Variants in ANKS1B observed in about 807,000 individuals in gnomAD.
ANKS1B encodes ankyrin repeat and sterile alpha motif domain-containing protein 1B.
In ANKS1B, 36 loss-of-function variants were observed where a neutral mutation model predicts 148.3. The ratio of observed to expected loss-of-function variants is 0.24; its 90% CI spans 0.19 to 0.32. The LOEUF is 0.32. Among genes scored for constraint, ANKS1B ranks in the 10% least tolerant of loss-of-function variants. The pLI is 1.00. For missense variants in ANKS1B, 1,157 were observed against 1,542.6 expected, an observed-to-expected ratio of 0.75 and a Z score of 4.19; for synonymous variants, 542 against 560.8, an observed-to-expected ratio of 0.97 and a Z score of 0.47.
At chr12:99,714,893 C>G (rs1177859892) in intron 8 of ANKS1B, among the ~76,000 whole-genome samples, 1 of 151,030 alleles carries the variant, frequency 6.6e-6, no homozygotes, top group Non-Finnish European at 1.5e-5. Flanking sequence ...CCAAGGCAGA[C>G]AGATCACTTG....
intron 8 of ANKS1B, among the ~76,000 whole-genome samples, chr12:99,752,364 T>C (rs1247407072): frequency 2.0e-5 from 3 of 151,996 alleles, no homozygotes; most frequent in African/African-American, 7.2e-5. Flanking sequence ...TTTCAATTAT[T>C]TGGTAATATA....
chr12:99,425,287 T>C lies in ANKS1B; in HGVS notation c.1575+18386A>G, dbSNP rs1419573229. On this transcript the variant is annotated intron_variant, in intron 11 of 26. Transcript: ENST00000683438. ...TTACCATATAATTAAGTTATTCATATGATTAAATTAGCTTTCAAATAATTT... is the reference window on the plus strand; with the variant it reads ...TTACCATATAATTAAGTTATTCATACGATTAAATTAGCTTTCAAATAATTT... Among the ~76,000 whole-genome samples, 2 of 152,046 alleles carry C rather than the reference T, an allele frequency of 1.3e-5. 1 individual carries two copies. The highest frequency in any genetic ancestry group is 2.9e-5 in the Non-Finnish European group (2 of 67,940).
chr12:98,882,448 A>T (rs2152522599), intron 17 of ANKS1B, among the ~76,000 whole-genome samples: 1 of 152,334 alleles, frequency 6.6e-6, no homozygotes, highest in Admixed American at 6.5e-5. Flanking sequence ...ATGATCAGCC[A>T]GTTGCAAAGA....
In ANKS1B at chr12:99,058,502, A is replaced by G. The variant is rs574398373; in HGVS notation, c.2626-5193T>C. ...GAGCTCAAGCGATCTGCCTGCCTCA[A>G]CCTCCCAAAGTGTTGGGATTACAGG... On this transcript the variant is annotated intron_variant, in intron 16 of 26. Transcript: ENST00000683438. 2.5e-3 allele frequency among the ~76,000 whole-genome samples: 382 copies of G among 151,374 alleles called. 1 individual carries two copies. Among genetic ancestry groups the G allele is most frequent in the African/African-American group, 9.1e-3 (375 of 41,318 alleles).
chr12:99,478,673 A>C (rs1348046976), intron 10 of ANKS1B, among the ~76,000 whole-genome samples: 1 of 152,136 alleles, frequency 6.6e-6, no homozygotes, highest in Non-Finnish European at 1.5e-5. Flanking sequence ...AAATTCTTCC[A>C]AATCTTCAAG....
chr12:98,952,972 C>T (rs886522404), intron 17 of ANKS1B, among the ~76,000 whole-genome samples: 1 of 151,942 alleles, frequency 6.6e-6, no homozygotes, highest in African/African-American at 2.4e-5. Context: ...GATCCTCCTG[C>T]CTCAGCCTCC....
At chr12:99,542,739 T>C (rs542771725) in intron 9 of ANKS1B, among the ~76,000 whole-genome samples, 1 of 152,100 alleles carries the variant, frequency 6.6e-6, no homozygotes, top group African/African-American at 2.4e-5. Flanking sequence ...ATAGAAAAAA[T>C]AGTTTTTTCA....
intron 17 of ANKS1B, among the ~76,000 whole-genome samples, chr12:98,996,934 G>A (rs1454709888): frequency 6.6e-6 from 1 of 151,516 alleles, no homozygotes; most frequent in Non-Finnish European, 1.5e-5. Context: ...TTTGGTTGCT[G>A]GGTAGTATTT....
At chr12:99,211,889 A>T (rs982717777) in intron 14 of ANKS1B, among the ~76,000 whole-genome samples, 1 of 151,708 alleles carries the variant, frequency 6.6e-6, no homozygotes, top group African/African-American at 2.4e-5. Flanking sequence ...TTCCAGGAAA[A>T]CCCCAAACCT....
At chr12:98,774,642 G>C (rs1355681006) in intron 24 of ANKS1B, among the ~76,000 whole-genome samples, 1 of 152,098 alleles carries the variant, frequency 6.6e-6, no homozygotes, top group African/African-American at 2.4e-5. Context: ...TAATTGCGCT[G>C]TCTTAAATAA....
intron 17 of ANKS1B, among the ~76,000 whole-genome samples, chr12:99,038,201 A>G (rs1241238208): frequency 6.6e-6 from 1 of 152,182 alleles, no homozygotes; most frequent in African/African-American, 2.4e-5. Context: ...GGAGATTTCT[A>G]GAAATGTGTG....
chr12:99,219,275 G>A (rs1448698235), intron 14 of ANKS1B, among the ~76,000 whole-genome samples: 2 of 152,110 alleles, frequency 1.3e-5, no homozygotes, highest in Non-Finnish European at 2.9e-5. Flanking sequence ...CCTTTGACAT[G>A]TAAATCTTCT....
rs2668187 is a variant in ANKS1B, at chr12:99,590,258, C to A, written c.1272+64809G>T. ...AACATTCACTCACACCCACACCCACCCACACACACACACACACACACACAC... is the reference window on the plus strand; with the variant it reads ...AACATTCACTCACACCCACACCCACACACACACACACACACACACACACAC... On this transcript the variant is annotated intron_variant, in intron 9 of 26. Transcript: ENST00000683438. Among the ~76,000 whole-genome samples the A allele has an allele frequency of 6.0e-3, 801 of 132,856 alleles. 7 individuals are homozygous for A. The highest frequency in any genetic ancestry group is 0.03 in the East Asian group (103 of 3,440). The allele number at this position is 132,856 out of a possible 152,430, so 87.2% of individuals were successfully genotyped here. A position where few individuals can be genotyped will look rare whatever the true frequency, so the allele number is the denominator to read the frequency against.
intron 1 of ANKS1B, among the ~76,000 whole-genome samples, chr12:99,833,714 A>G (rs1332622695): frequency 6.6e-6 from 1 of 152,184 alleles, no homozygotes; most frequent in Non-Finnish European, 1.5e-5. Flanking sequence ...ACTGTCATAC[A>G]TTTTTTAAAT....
intron 12 of ANKS1B, among the ~76,000 whole-genome samples, chr12:99,333,224 G>A (rs926645606): frequency 2.6e-5 from 4 of 152,058 alleles, no homozygotes; most frequent in Admixed American, 6.6e-5. Flanking sequence ...GGGAGACACT[G>A]AAATTTTCTG....
intron 12 of ANKS1B, among the ~76,000 whole-genome samples, chr12:99,350,354 G>A (rs922710047): frequency 6.6e-5 from 10 of 151,678 alleles, no homozygotes; most frequent in African/African-American, 1.2e-4. Context: ...TTTTATAGCC[G>A]TGCAAGAGTG....
chr12:99,403,090 C>T (rs1287307809), intron 11 of ANKS1B, among the ~76,000 whole-genome samples: 2 of 137,932 alleles, frequency 1.4e-5, no homozygotes, highest in Non-Finnish European at 3.1e-5. Flanking sequence ...CACTTTTTTT[C>T]ATATAATTGT....
At chr12:99,238,579 C>G (rs575601796) in intron 14 of ANKS1B, among the ~76,000 whole-genome samples, 1 of 152,214 alleles carries the variant, frequency 6.6e-6, no homozygotes, top group Non-Finnish European at 1.5e-5. Context: ...AGCGTTTGAG[C>G]TCCAAGAACA....
chr12:99,717,370 C>T (rs1248243670), intron 8 of ANKS1B, among the ~76,000 whole-genome samples: 1 of 152,172 alleles, frequency 6.6e-6, no homozygotes, highest in African/African-American at 2.4e-5. Context: ...AGACAAACCC[C>T]AGCCACATCT....
Sources: allele counts gnomAD v4.1 joint callset (sites outside exome capture counted in the v4.1 genomes callset), GRCh38; gene constraint gnomAD v4.1.1; transcripts MANE v1.5; gene names NCBI Gene and HGNC (gene_info 2026-07-23, HGNC 2026-07-21).